PTCHD1: variants seen among roughly 807,000 people sequenced by gnomAD.
PTCHD1 encodes patched domain-containing protein 1.
In PTCHD1, 3 loss-of-function variants were observed where a neutral mutation model predicts 34.6. The ratio of observed to expected loss-of-function variants is 0.09; its 90% confidence interval spans 0.04 to 0.22. The LOEUF is 0.22. Ranked by LOEUF, PTCHD1 falls within the 10% of genes least tolerant of loss-of-function variation. The pLI is 1.00. For missense variants in PTCHD1, 504 were observed against 685.5 expected (o/e 0.74, Z 2.96); for synonymous variants, 305 against 283.1 (o/e 1.08, Z -0.77).
chrX:23,388,320 A>G (rs1171788378), intron 2 of PTCHD1, among the ~76,000 whole-genome samples: 1 of 112,420 alleles, frequency 8.9e-6, no homozygotes, highest in Non-Finnish European at 1.9e-5. Flanking sequence ...CAGATTTAAC[A>G]GAGAAGCTTA....
chrX:23,369,490 G>T (rs1183351005), intron 1 of PTCHD1, among the ~76,000 whole-genome samples: 1 of 111,324 alleles, frequency 9.0e-6, no homozygotes, highest in East Asian at 2.8e-4. Context: ...TTAAATCTGG[G>T]CTGATCCACT....
At chrX:23,340,007 C>T (rs1166355204) in intron 1 of PTCHD1, among the ~76,000 whole-genome samples, 1 of 111,471 alleles carries the variant, frequency 9.0e-6, no homozygotes, top group Non-Finnish European at 1.9e-5. Context: ...TGGCTGGAGA[C>T]ATTTTTGGTT....
chrX:23,342,266 CTATATATATATATATATA>C (rs1194698667), intron 1 of PTCHD1, among the ~76,000 whole-genome samples: 15 of 31,235 alleles, frequency 4.8e-4, no homozygotes, highest in Non-Finnish European at 7.8e-4. Flanking sequence ...GTGTTTCTCC[CTATATATATATATATATA>C]TATATATATA....
chrX:23,378,439 T>G (rs59104655), intron 1 of PTCHD1, among the ~76,000 whole-genome samples: 1,296 of 112,337 alleles, frequency 0.012, 23 homozygotes, highest in African/African-American at 0.04. Context: ...GACAGTAGAT[T>G]ACACATACTC....
At chrX:23,360,077 C>T (rs906143607) in intron 1 of PTCHD1, among the ~76,000 whole-genome samples, 5 of 111,866 alleles carry the variant, frequency 4.5e-5, no homozygotes, top group African/African-American at 6.5e-5. Flanking sequence ...ATTTTTGCAT[C>T]GATGTTCATC....
rs368662150 is a variant in PTCHD1, at chrX:23,379,990, C to T, written c.751C>T (p.Pro251Ser). The T allele has an allele frequency of 1.1e-5, 13 of 1,211,659 alleles. No homozygotes were observed. Among genetic ancestry groups the T allele is most frequent in the African/African-American group, 1.7e-5 (1 of 57,743 alleles). ...ATCCAACAGCAAAGTCAAAATGTAC[C>T]CTTACACGTCCTCCTCACTGAGGGA... Reference protein sequence around the residue: ...QKSNSKVKMYPYTSSSLREDF... With the variant: ...QKSNSKVKMYSYTSSSLREDF... Residue 251 changes from proline (P) to serine (S), a missense_variant, in exon 2 of 3, where the codon CCT becomes TCT. Coordinates refer to ENST00000379361, the MANE Select transcript of PTCHD1 (RefSeq NM_173495.3).
chrX:23,351,639 A>G (rs186088212), intron 1 of PTCHD1, among the ~76,000 whole-genome samples: 1 of 112,307 alleles, frequency 8.9e-6, no homozygotes, highest in East Asian at 2.8e-4. Flanking sequence ...ATGCTAAACC[A>G]TCTCAGGATA....
intron 2 of PTCHD1, among the ~76,000 whole-genome samples, chrX:23,380,490 T>C (rs1010997070): frequency 1.8e-5 from 2 of 111,524 alleles, no homozygotes; most frequent in Admixed American, 9.5e-5. Flanking sequence ...TGAGCAGCCA[T>C]GTGGTGTCTA....
Position 23,402,198 on chromosome X carries a change from AT to A in PTCHD1, c.*8014del, listed in dbSNP as rs1923138756. ...ATCAACCTCAAGGAAAGGAAGTGCC[AT>A]GCATGGAGGCCTGGTGATAGGCAAC... On this transcript the variant is annotated 3_prime_UTR_variant, in exon 3 of 3. Transcript: ENST00000379361. The A allele has an allele frequency of 1.8e-5, 2 of 111,584 alleles. No individual in the cohort carries two copies. The highest frequency in any genetic ancestry group is 6.5e-5 in the African/African-American group (2 of 30,674). 9.2% of individuals were successfully genotyped at this position (111,584 alleles called of 1,213,427 possible). A position where few individuals can be genotyped will look rare whatever the true frequency, so the allele number is the denominator to read the frequency against.
At chrX:23,334,807 C>CCGCCGG, upstream of PTCHD1, 1 of 689,060 alleles carries the variant, frequency 1.5e-6, no homozygotes, top group Non-Finnish European at 1.8e-6. Flanking sequence ...GCCGCCGCCG[C>CCGCCGG]CGCCGCCGCC....
At chrX:23,368,005 A>G (rs1922190740) in intron 1 of PTCHD1, among the ~76,000 whole-genome samples, 1 of 110,670 alleles carries the variant, frequency 9.0e-6, no homozygotes, top group Non-Finnish European at 1.9e-5. Flanking sequence ...TCCAGTTTGG[A>G]TGATAAATTA....
chrX:23,364,172 G>A (rs1472686068), intron 1 of PTCHD1, among the ~76,000 whole-genome samples: 1 of 111,036 alleles, frequency 9.0e-6, no homozygotes, highest in Non-Finnish European at 1.9e-5. Context: ...AGTTGATAGA[G>A]TCAGAATAGC....
chrX:23,334,769 C>A, upstream of PTCHD1: 2 of 206,352 alleles, frequency 9.7e-6, no homozygotes, highest in South Asian at 2.2e-4. Context: ...CCGCCGTCGC[C>A]GCCGCCGCGG....
intron 1 of PTCHD1, among the ~76,000 whole-genome samples, chrX:23,356,731 A>G (rs898784668): frequency 8.9e-6 from 1 of 112,402 alleles, no homozygotes; most frequent in Non-Finnish European, 1.9e-5. Flanking sequence ...TTGCTCTATG[A>G]CAACGCCACT....
At position 23,397,227 on chromosome X, in the gene PTCHD1, T is replaced by A. The variant is rs1463801217; in HGVS notation, c.*3042T>A. Reference sequence around the variant, plus strand: ...CTTTTTTGGCCATTCATAAGGAAAATTTTTAAAAGTCAAGGTAAGGGTGAT... The same window carrying A: ...CTTTTTTGGCCATTCATAAGGAAAAATTTTAAAAGTCAAGGTAAGGGTGAT... On this transcript the variant is annotated 3_prime_UTR_variant, in exon 3 of 3. Coordinates refer to ENST00000379361, the MANE Select transcript of PTCHD1 (RefSeq NM_173495.3). 4 of 111,595 alleles carry A rather than the reference T, an allele frequency of 3.6e-5. No individual in the cohort carries two copies. Among genetic ancestry groups the A allele is most frequent in the Non-Finnish European group, 7.5e-5 (4 of 53,134 alleles). 9.2% of individuals were successfully genotyped at this position (111,595 alleles called of 1,213,427 possible).
In PTCHD1 at chrX:23,393,719, T is replaced by C. The variant is rs765696046; in HGVS notation, c.2201T>C (p.Val734Ala). 4 of 1,209,150 alleles carry C rather than the reference T, an allele frequency of 3.3e-6. No individual in the cohort carries two copies. The African/African-American group carries it at 7.0e-5, about 21-fold the overall frequency. ...TGGATCACTCTCACAGTTGTGTCCG[T>C]GGAGTTTGGAGTGATAGGTTTCATG... ...NVWITLTVVS[V>A]EFGVIGFMTL... Residue 734 changes from valine (V) to alanine (A), a missense_variant, in exon 3 of 3, where the codon GTG (valine) becomes GCG (alanine). Physicochemically the swap from Val to Ala is moderately conservative, Grantham distance 64. Coordinates refer to ENST00000379361, the MANE Select transcript of PTCHD1 (RefSeq NM_173495.3).
intron 1 of PTCHD1, among the ~76,000 whole-genome samples, chrX:23,366,548 G>A (rs1922144819): frequency 9.0e-6 from 1 of 111,564 alleles, no homozygotes; most frequent in African/African-American, 3.3e-5. Flanking sequence ...TCCACGCCCT[G>A]AGCCAAACCT....
chrX:23,374,995 T>A (rs899457323), intron 1 of PTCHD1, among the ~76,000 whole-genome samples: 9 of 112,171 alleles, frequency 8.0e-5, no homozygotes, highest in African/African-American at 2.6e-4. Context: ...AACTTTTTCT[T>A]ACTGGATTCC....
At chrX:23,378,919 C>T (rs1569139683) in intron 1 of PTCHD1, among the ~76,000 whole-genome samples, 1 of 111,774 alleles carries the variant, frequency 8.9e-6, no homozygotes. Flanking sequence ...CCCATATATC[C>T]CAGCCAGGCT....
Sources: gnomAD v4.1 joint callset for allele counts (sites outside exome capture counted in the v4.1 genomes callset) on GRCh38, gnomAD v4.1.1 for gene constraint, MANE v1.5 for transcripts, NCBI Gene and HGNC (gene_info 2026-07-23, HGNC 2026-07-21) for gene names.